AGBL4: variants seen among roughly 807,000 people sequenced by gnomAD.
AGBL4 encodes the protein AGBL carboxypeptidase 4, also known as cytosolic carboxypeptidase 6.
AGBL4 carries 58 observed loss-of-function variants against 66.4 expected under a neutral mutation model. That is an observed-to-expected ratio of 0.87 (90% CI 0.71 to 1.09). AGBL4 has a LOEUF of 1.09. Among genes scored for constraint, AGBL4 ranks in the 50% least tolerant of loss-of-function variants. The pLI is 0.00. For synonymous variants in AGBL4, 234 were observed against 222.9 expected (o/e 1.05, Z -0.44); for missense variants, 579 against 631.0 (o/e 0.92, Z 0.88).
At chr1:49,601,935 A>G (rs771384902) in intron 3 of AGBL4, among the ~76,000 whole-genome samples, 10 of 152,170 alleles carry the variant, frequency 6.6e-5, no homozygotes, top group Middle Eastern at 3.2e-3. Flanking sequence ...ATGGAAGAAA[A>G]ATCTTGCAAT....
At chr1:48,933,989 C>T (rs1655249150) in intron 5 of AGBL4, among the ~76,000 whole-genome samples, 2 of 152,200 alleles carry the variant, frequency 1.3e-5, no homozygotes, top group African/African-American at 2.4e-5. Context: ...CAGGTTCCCT[C>T]GTTGACGTTG....
At chr1:49,347,950 C>A (rs1645669034) in intron 3 of AGBL4, among the ~76,000 whole-genome samples, 1 of 152,128 alleles carries the variant, frequency 6.6e-6, no homozygotes, top group Admixed American at 6.5e-5. Flanking sequence ...TCCGGGAACC[C>A]TCTCTTGGGG....
chr1:49,183,229 T>G, intron 4 of AGBL4, among the ~76,000 whole-genome samples: 1 of 151,836 alleles, frequency 6.6e-6, no homozygotes, highest in Middle Eastern at 3.4e-3. Flanking sequence ...GAGGAGAGAC[T>G]GTAGTTTGCT....
chr1:49,440,215 G>C (rs901384063), intron 3 of AGBL4, among the ~76,000 whole-genome samples: 2 of 151,790 alleles, frequency 1.3e-5, no homozygotes, highest in Non-Finnish European at 2.9e-5. Context: ...GATTATAGGC[G>C]CCCGCCACCA....
Position 49,382,214 on chromosome 1 carries a change from C to G in AGBL4, c.283-136350G>C, listed in dbSNP as rs558482138. Among the ~76,000 whole-genome samples the G allele has an allele frequency of 6.4e-4, 98 of 152,112 alleles. 1 individual carries two copies. Among genetic ancestry groups the G allele is most frequent in the African/African-American group, 2.3e-3 (96 of 41,506 alleles). On this transcript the variant is annotated intron_variant, in intron 3 of 13. Transcript: ENST00000371839. ...TGCAAAATAGTAATAATAACAGGAA[C>G]AAGAACGAGAACAAGATAAGAAATA... is the stretch of plus-strand genomic sequence containing the variant.
intron 3 of AGBL4, among the ~76,000 whole-genome samples, chr1:49,352,794 C>T (rs1422529764): frequency 2.0e-5 from 3 of 152,190 alleles, no homozygotes; most frequent in Non-Finnish European, 2.9e-5. Context: ...ATCCTCATAA[C>T]TTATCAATAG....
intron 1 of AGBL4, among the ~76,000 whole-genome samples, chr1:50,009,955 T>A (rs1661409929): frequency 6.6e-6 from 1 of 151,912 alleles, no homozygotes; most frequent in Admixed American, 6.6e-5. Context: ...AAGTGAAAGC[T>A]CTCTACAGTG....
intron 2 of AGBL4, among the ~76,000 whole-genome samples, chr1:49,790,269 CAGA>C (rs1644562375): frequency 6.7e-6 from 1 of 149,294 alleles, no homozygotes; most frequent in Admixed American, 6.8e-5. Context: ...GAGGCTGAGG[CAGA>C]AGAATCGCTT....
intron 3 of AGBL4, among the ~76,000 whole-genome samples, chr1:49,448,724 T>C (rs1646213685): frequency 1.3e-5 from 2 of 152,154 alleles, no homozygotes; most frequent in Non-Finnish European, 2.9e-5. Context: ...CCTGTATAAA[T>C]GGTATCTATG....
chr1:48,965,456 G>C (rs115454736), intron 5 of AGBL4, among the ~76,000 whole-genome samples: 5,619 of 152,262 alleles, frequency 0.037, 178 homozygotes, highest in Non-Finnish European at 0.055. Context: ...TTGAATAACG[G>C]TGATTTGTCT....
intron 3 of AGBL4, among the ~76,000 whole-genome samples, chr1:49,482,382 G>C (rs1372340908): frequency 6.6e-6 from 1 of 151,824 alleles, no homozygotes; most frequent in East Asian, 1.9e-4. Context: ...TAAGTGCCCA[G>C]GGATTTATCC....
At chr1:49,171,317 G>A (rs1200821227) in intron 4 of AGBL4, among the ~76,000 whole-genome samples, 2 of 152,098 alleles carry the variant, frequency 1.3e-5, no homozygotes, top group South Asian at 4.1e-4. Flanking sequence ...ACAGATATGA[G>A]GTCTGAATAT....
chr1:49,980,521 A>G (rs1371647527), intron 1 of AGBL4, among the ~76,000 whole-genome samples: 1 of 152,144 alleles, frequency 6.6e-6, no homozygotes, highest in African/African-American at 2.4e-5. Context: ...ATCATACAGT[A>G]TTGTCTTTTT....
At chr1:48,765,476 G>A (rs570225783) in intron 6 of AGBL4, among the ~76,000 whole-genome samples, 1 of 152,306 alleles carries the variant, frequency 6.6e-6, no homozygotes, top group East Asian at 1.9e-4. Context: ...GGGTATTGTA[G>A]AATGGGCAGC....
intron 1 of AGBL4, among the ~76,000 whole-genome samples, chr1:49,931,578 C>T (rs1052731481): frequency 2.6e-5 from 4 of 152,066 alleles, no homozygotes; most frequent in African/African-American, 9.7e-5. Flanking sequence ...AAATTCGCCC[C>T]CATAATCCAA....
At chr1:49,471,575 C>T (rs1187527794) in intron 3 of AGBL4, among the ~76,000 whole-genome samples, 1 of 151,722 alleles carries the variant, frequency 6.6e-6, no homozygotes, top group African/African-American at 2.4e-5. Context: ...TGGTCAGTTC[C>T]ATGGGTTTTC....
Position 49,653,114 on chromosome 1 carries a change from C to T in AGBL4, c.282+44199G>A, listed in dbSNP as rs116458225. Among the ~76,000 whole-genome samples the T allele has an allele frequency of 7.0e-3, 1,063 of 152,254 alleles. 10 individuals carry two copies. The highest frequency in any genetic ancestry group is 0.029 in the South Asian group (141 of 4,828). ...GAGACAGAGCTCCTACAGTAAGGAA[C>T]AGGCTGACATCTTTGCTATTCTGCA... On this transcript the variant is annotated intron_variant, in intron 3 of 13. Coordinates refer to ENST00000371839, the MANE Select transcript of AGBL4 (RefSeq NM_032785.4).
intron 4 of AGBL4, among the ~76,000 whole-genome samples, chr1:49,052,751 T>A (rs1179625072): frequency 2.0e-5 from 3 of 152,162 alleles, no homozygotes; most frequent in Non-Finnish European, 4.4e-5. Context: ...TGGGATCCCC[T>A]TGTCACCTTG....
chr1:49,833,174 G>C (rs1249621948), intron 2 of AGBL4, among the ~76,000 whole-genome samples: 1 of 152,196 alleles, frequency 6.6e-6, no homozygotes, highest in Non-Finnish European at 1.5e-5. Flanking sequence ...TTTTGTATAA[G>C]GTGTAAGGAA....
Sources: gnomAD v4.1 joint callset for allele counts (sites outside exome capture counted in the v4.1 genomes callset) on GRCh38, gnomAD v4.1.1 for gene constraint, MANE v1.5 for transcripts, NCBI Gene and HGNC (gene_info 2026-07-23, HGNC 2026-07-21) for gene names.